SLC26A7: variants seen among roughly 807,000 people sequenced by gnomAD.
SLC26A7 encodes anion exchange transporter.
SLC26A7 carries 59 observed loss-of-function variants against 82.5 expected under a neutral mutation model. The observed-to-expected ratio is 0.72, with a 90% CI of 0.58 to 0.89. SLC26A7 has a LOEUF of 0.89. Ranked by LOEUF, SLC26A7 falls within the 40% of genes least tolerant of loss-of-function variation. The pLI, the probability that SLC26A7 is intolerant of heterozygous loss-of-function variation, is 0.00. For missense variants in SLC26A7, 820 were observed against 793.0 expected (o/e 1.03, Z -0.41); for synonymous variants, 271 against 274.3 (o/e 0.99, Z 0.12).
chr8:91,376,163 C>A (rs549953009), intron 15 of SLC26A7, among the ~76,000 whole-genome samples: 90 of 152,190 alleles, frequency 5.9e-4, no homozygotes, highest in African/African-American at 2.1e-3. Context: ...TTTCAACTTT[C>A]TTCTGGATCT....
chr8:91,291,131 A>C (rs4374951), intron 3 of SLC26A7, among the ~76,000 whole-genome samples: 121,728 of 152,058 alleles, frequency 0.8, 49,149 homozygotes, highest in Non-Finnish European at 0.85. Context: ...TTATTAGGTA[A>C]TTTATTAAGA....
chr8:91,369,914 C>A, intron 15 of SLC26A7, 81 bp downstream of exon 15: 1 of 1,065,932 alleles, frequency 9.4e-7, no homozygotes, highest in South Asian at 1.4e-5. Flanking sequence ...TTCCCCTTCT[C>A]CTCCTCATCT....
chr8:91,378,698 T>A lies in SLC26A7; in HGVS notation c.1675+8865T>A, dbSNP rs114266317. 2.4e-3 allele frequency among the ~76,000 whole-genome samples: 371 copies of A among 151,770 alleles called. 2 individuals carry two copies. Among genetic ancestry groups the A allele is most frequent in the African/African-American group, 8.3e-3 (344 of 41,456 alleles). ...GCCCCGAGTCTTACTGTCTCTCTCA[T>A]GACCATACACTGGGTCATTATACAA... On this transcript the variant is annotated intron_variant, in intron 15 of 18. Coordinates refer to ENST00000276609, the MANE Select transcript of SLC26A7 (RefSeq NM_052832.4).
chr8:91,303,561 T>A (rs577684991), intron 4 of SLC26A7, among the ~76,000 whole-genome samples: 1 of 152,354 alleles, frequency 6.6e-6, no homozygotes, highest in African/African-American at 2.4e-5. Flanking sequence ...TATATGTTTG[T>A]GTCATAAATA....
intron 11 of SLC26A7, among the ~76,000 whole-genome samples, chr8:91,355,373 T>G (rs1428646528): frequency 2.6e-5 from 4 of 152,144 alleles, no homozygotes; most frequent in Non-Finnish European, 4.4e-5. Context: ...TTTTCAAATC[T>G]GTGTTCTGCT....
chr8:91,351,027 T>G (rs1476378577), intron 9 of SLC26A7, among the ~76,000 whole-genome samples: 1 of 152,168 alleles, frequency 6.6e-6, no homozygotes, highest in Admixed American at 6.6e-5. Flanking sequence ...CAAATTCCCT[T>G]TGATATCTCC....
chr8:91,250,990 T>G (rs1208963561), intron 2 of SLC26A7, among the ~76,000 whole-genome samples: 1 of 152,100 alleles, frequency 6.6e-6, no homozygotes, highest in Non-Finnish European at 1.5e-5. Flanking sequence ...TTGCTTTTAT[T>G]CAGTTTTAAA....
intron 18 of SLC26A7, chr8:91,394,775 A>ACCATAAGCCCAGCATTTGTAAAATAAC: frequency 9.6e-7 from 1 of 1,036,774 alleles, no homozygotes; most frequent in Non-Finnish European, 1.2e-6. Context: ...GTTTAACTGA[A>ACCATAAGCCCAGCATTTGTAAAATAAC]TTTGCCATGA....
At chr8:91,282,018 T>C (rs1423906548) in intron 2 of SLC26A7, among the ~76,000 whole-genome samples, 1 of 152,190 alleles carries the variant, frequency 6.6e-6, no homozygotes, top group Non-Finnish European at 1.5e-5. Context: ...TTTTTCAGCT[T>C]CTCAGCTAAC....
intron 15 of SLC26A7, among the ~76,000 whole-genome samples, chr8:91,379,825 T>C (rs1012621914): frequency 2.0e-5 from 3 of 152,088 alleles, no homozygotes; most frequent in African/African-American, 7.2e-5. Context: ...TTAAGAACTT[T>C]TGTTTACCAG....
At chr8:91,280,045 C>G (rs1811527689) in intron 2 of SLC26A7, among the ~76,000 whole-genome samples, 1 of 152,054 alleles carries the variant, frequency 6.6e-6, no homozygotes, top group Admixed American at 6.6e-5. Flanking sequence ...TATTTTATCC[C>G]CATTCTGTAG....
chr8:91,278,023 G>A (rs1479362583), intron 2 of SLC26A7, among the ~76,000 whole-genome samples: 1 of 152,134 alleles, frequency 6.6e-6, no homozygotes, highest in Admixed American at 6.5e-5. Context: ...CATATCGTTG[G>A]GACCATGCCC....
At chr8:91,278,035 C>T (rs565490155) in intron 2 of SLC26A7, among the ~76,000 whole-genome samples, 3 of 152,294 alleles carry the variant, frequency 2.0e-5, no homozygotes, top group East Asian at 3.9e-4. Context: ...ACCATGCCCC[C>T]TGCAAAGCTA....
intron 2 of SLC26A7, among the ~76,000 whole-genome samples, chr8:91,270,062 C>T (rs1811227592): frequency 6.6e-6 from 1 of 151,950 alleles, no homozygotes; most frequent in South Asian, 2.1e-4. Context: ...TCTTTGTCAG[C>T]CATTTCATAG....
chr8:91,346,487 A>T (rs1355749167), intron 9 of SLC26A7, among the ~76,000 whole-genome samples: 1 of 152,186 alleles, frequency 6.6e-6, no homozygotes, highest in Non-Finnish European at 1.5e-5. Flanking sequence ...CTAAATTTAT[A>T]TCCCATAAAT....
At position 91,396,178 on chromosome 8, in the gene SLC26A7, T is replaced by G. The variant is rs1808568583; in HGVS notation, c.*1081T>G. 1 of 152,064 alleles carries G rather than the reference T, an allele frequency of 6.6e-6. No homozygotes were observed. Among genetic ancestry groups the G allele is most frequent in the Non-Finnish European group, 1.5e-5 (1 of 67,918 alleles). The allele number at this position is 152,064 out of a possible 1,614,324, so 9.4% of individuals were successfully genotyped here. Reference sequence around the variant, plus strand: ...GCTGAACTGTATGTTACTGTTTTCATGCTTATACATATATTTTCAATCACA... The same window carrying G: ...GCTGAACTGTATGTTACTGTTTTCAGGCTTATACATATATTTTCAATCACA... On this transcript the variant is annotated 3_prime_UTR_variant, in exon 19 of 19. Transcript: ENST00000276609.
chr8:91,367,297 T>C (rs1187655189), intron 14 of SLC26A7, among the ~76,000 whole-genome samples: 2 of 152,184 alleles, frequency 1.3e-5, no homozygotes, highest in Non-Finnish European at 2.9e-5. Flanking sequence ...CGTGAGCCAC[T>C]GCGCCCAGTC....
chr8:91,241,641 T>TA (rs761853306), intron 2 of SLC26A7, among the ~76,000 whole-genome samples: 3 of 152,140 alleles, frequency 2.0e-5, no homozygotes, highest in Non-Finnish European at 4.4e-5. Context: ...ATAATATACA[T>TA]GAGAGTTGTT....
At chr8:91,284,855 A>G (rs1811668479) in intron 2 of SLC26A7, among the ~76,000 whole-genome samples, 1 of 152,228 alleles carries the variant, frequency 6.6e-6, no homozygotes, top group African/African-American at 2.4e-5. Context: ...ATATTATTTA[A>G]TATTTATTAA....
Sources: allele counts gnomAD v4.1 joint callset (sites outside exome capture counted in the v4.1 genomes callset), GRCh38; gene constraint gnomAD v4.1.1; transcripts MANE v1.5; gene names NCBI Gene and HGNC (gene_info 2026-07-23, HGNC 2026-07-21).